HTR4: variants seen among roughly 807,000 people sequenced by gnomAD.
The protein encoded by HTR4 is 5-hydroxytryptamine receptor 4.
In HTR4, 16 loss-of-function variants were observed where a neutral mutation model predicts 36.8. That is an observed-to-expected ratio of 0.43 (90% CI 0.29 to 0.66). The LOEUF is 0.66. HTR4 is among the 30% of genes least tolerant of loss of function. The pLI is 0.13. For synonymous variants in HTR4, 189 were observed against 185.1 expected, an observed-to-expected ratio of 1.02 and a Z score of -0.17; for missense variants, 438 against 490.9, an observed-to-expected ratio of 0.89 and a Z score of 1.02.
chr5:148,463,429 C>T (rs1335971989), intron 5 of HTR4, among the ~76,000 whole-genome samples: 1 of 151,866 alleles, frequency 6.6e-6, no homozygotes, highest in Non-Finnish European at 1.5e-5. Flanking sequence ...ATCCACCCAG[C>T]TCGACCTCCC....
At chr5:148,503,776 C>G (rs1757048728) in intron 6 of HTR4, among the ~76,000 whole-genome samples, 1 of 151,564 alleles carries the variant, frequency 6.6e-6, no homozygotes, top group South Asian at 2.1e-4. Flanking sequence ...CACATAGGCT[C>G]AAAATAAAGG....
At chr5:148,472,458 A>G (rs1755592931), downstream of HTR4, among the ~76,000 whole-genome samples, 1 of 152,090 alleles carries the variant, frequency 6.6e-6, no homozygotes, top group African/African-American at 2.4e-5. Context: ...AATGACTTTT[A>G]CCTTGTCCTG....
At chr5:148,618,105 G>T (rs75994877) in intron 2 of HTR4, among the ~76,000 whole-genome samples, 107 of 152,278 alleles carry the variant, frequency 7.0e-4, no homozygotes, top group African/African-American at 2.5e-3. Flanking sequence ...ACAGTCCTCT[G>T]ATTTAGTCCC....
chr5:148,531,986 G>A (rs1171766029), intron 4 of HTR4, among the ~76,000 whole-genome samples: 3 of 152,122 alleles, frequency 2.0e-5, no homozygotes, highest in Admixed American at 6.5e-5. Flanking sequence ...GCTGCTCAAC[G>A]TTCTACAGTG....
chr5:148,622,678 C>G (rs1752956898), intron 2 of HTR4, among the ~76,000 whole-genome samples: 1 of 152,140 alleles, frequency 6.6e-6, no homozygotes, highest in African/African-American at 2.4e-5. Context: ...TTTTCATTTT[C>G]CTTATCTATA....
chr5:148,605,998 C>A (rs1218616615), intron 2 of HTR4, among the ~76,000 whole-genome samples: 3 of 152,062 alleles, frequency 2.0e-5, no homozygotes, highest in Non-Finnish European at 4.4e-5. Context: ...ATGGCCATTG[C>A]CCTCTGGGTC....
chr5:148,623,171 A>G (rs756022078), intron 2 of HTR4, among the ~76,000 whole-genome samples: 2 of 152,184 alleles, frequency 1.3e-5, no homozygotes, highest in Non-Finnish European at 2.9e-5. Flanking sequence ...AGAAAAGACA[A>G]CAGAACAGAA....
chr5:148,640,009 G>A (rs1221192850), intron 1 of HTR4, among the ~76,000 whole-genome samples: 1 of 151,990 alleles, frequency 6.6e-6, no homozygotes, highest in African/African-American at 2.4e-5. Flanking sequence ...TCCAACCTCC[G>A]AGTCCAACCT....
At chr5:148,610,012 A>T (rs563991304) in intron 2 of HTR4, among the ~76,000 whole-genome samples, 1 of 152,340 alleles carries the variant, frequency 6.6e-6, no homozygotes, top group South Asian at 2.1e-4. Context: ...CAGAACTTGA[A>T]AATACAAATT....
At chr5:148,649,567 T>C (rs1045273583) in intron 1 of HTR4, among the ~76,000 whole-genome samples, 4 of 152,208 alleles carry the variant, frequency 2.6e-5, no homozygotes, top group Non-Finnish European at 5.9e-5. Flanking sequence ...CTGTAAGTAA[T>C]GAGGAATTTT....
chr5:148,454,310 C>T (rs1266413606), intron 5 of HTR4, among the ~76,000 whole-genome samples: 1 of 152,182 alleles, frequency 6.6e-6, no homozygotes, highest in East Asian at 1.9e-4. Flanking sequence ...ATAGTAGAAG[C>T]TCAATATGTT....
intron 4 of HTR4, among the ~76,000 whole-genome samples, chr5:148,537,839 A>T (rs1758904847): frequency 6.6e-6 from 1 of 152,160 alleles, no homozygotes; most frequent in Non-Finnish European, 1.5e-5. Context: ...TACTGAAACT[A>T]TTCCAAAAAA....
At chr5:148,557,679 G>A (rs1354322943) in intron 2 of HTR4, among the ~76,000 whole-genome samples, 1 of 151,708 alleles carries the variant, frequency 6.6e-6, no homozygotes, top group African/African-American at 2.4e-5. Context: ...GACTATCCAG[G>A]ATGTTCTGGG....
intron 2 of HTR4, among the ~76,000 whole-genome samples, chr5:148,588,582 G>A (rs1761438692): frequency 1.4e-5 from 2 of 142,498 alleles, no homozygotes; most frequent in South Asian, 2.2e-4. Flanking sequence ...CGCCCAGGCC[G>A]GACTGCGGAC....
chr5:148,629,614 C>T (rs557098858), intron 2 of HTR4: 14 of 152,278 alleles, frequency 9.2e-5, no homozygotes, highest in African/African-American at 3.4e-4. Context: ...GGGAGCACCC[C>T]TTTCAGTAAT....
chr5:148,483,934 ATTAT>A (rs146566008), intron 6 of HTR4, among the ~76,000 whole-genome samples: 93,445 of 144,332 alleles, frequency 0.65, 31,205 homozygotes, highest in South Asian at 0.81. Flanking sequence ...AGTTGATTTT[ATTAT>A]TTATTTATTT....
chr5:148,632,174 A>G (rs1295555117), intron 2 of HTR4, among the ~76,000 whole-genome samples: 3 of 152,160 alleles, frequency 2.0e-5, no homozygotes, highest in Non-Finnish European at 4.4e-5. Flanking sequence ...AGACGAAGCG[A>G]TTAAAAGGGT....
At chr5:148,469,532 G>A (rs1056471818) in intron 5 of HTR4, among the ~76,000 whole-genome samples, 2 of 152,178 alleles carry the variant, frequency 1.3e-5, no homozygotes, top group Admixed American at 6.5e-5. Flanking sequence ...GTGGCAGTCT[G>A]AGTCCTGGCA....
intron 1 of HTR4, among the ~76,000 whole-genome samples, chr5:148,641,104 C>T (rs1447287228): frequency 5.9e-5 from 9 of 152,178 alleles, no homozygotes; most frequent in Admixed American, 5.9e-4. Flanking sequence ...ATTATAGGAA[C>T]ATCTCTTGCT....
Sources: allele counts gnomAD v4.1 joint callset (sites outside exome capture counted in the v4.1 genomes callset), GRCh38; gene constraint gnomAD v4.1.1; transcripts MANE v1.5; gene names NCBI Gene and HGNC (gene_info 2026-07-23, HGNC 2026-07-21).